LRFN5: variants seen among roughly 807,000 people sequenced by gnomAD.
LRFN5 encodes leucine rich repeat and fibronectin type III domain containing 5.
In LRFN5, 24 loss-of-function variants were observed where a neutral mutation model predicts 45.6. The ratio of observed to expected loss-of-function variants is 0.53; its 90% CI spans 0.38 to 0.74. The LOEUF (loss-of-function observed/expected upper bound fraction) is 0.74, where lower values mean the gene tolerates loss of function less well. Among genes scored for constraint, LRFN5 ranks in the 30% least tolerant of loss-of-function variants. The probability of loss-of-function intolerance (pLI) is 0.00; values close to 1 mark genes in which losing one functional copy is unlikely to be tolerated. For synonymous variants in LRFN5, 340 were observed against 313.8 expected (o/e 1.08, Z -0.88); for missense variants, 776 against 861.5 (o/e 0.90, Z 1.24).
At chr14:41,760,451 A>G (rs1042741430) in intron 1 of LRFN5, among the ~76,000 whole-genome samples, 3 of 152,220 alleles carry the variant, frequency 2.0e-5, no homozygotes, top group African/African-American at 4.8e-5. Flanking sequence ...GAATATTAAT[A>G]AACAAACAGA....
intron 1 of LRFN5, among the ~76,000 whole-genome samples, chr14:41,675,476 G>A (rs1406373473): frequency 2.0e-5 from 3 of 152,182 alleles, no homozygotes; most frequent in Admixed American, 6.5e-5. Context: ...GGCGGCGCGC[G>A]CCTGCAATCG....
intron 1 of LRFN5, among the ~76,000 whole-genome samples, chr14:41,684,866 C>G (rs1312457647): frequency 6.6e-6 from 1 of 152,040 alleles, no homozygotes; most frequent in Non-Finnish European, 1.5e-5. Context: ...AAGTGGTAAT[C>G]CAGGGAATGT....
At chr14:41,750,805 CAG>C (rs1367865863) in intron 1 of LRFN5, among the ~76,000 whole-genome samples, 6 of 152,196 alleles carry the variant, frequency 3.9e-5, no homozygotes, top group Non-Finnish European at 7.4e-5. Flanking sequence ...AGAGAGCACA[CAG>C]GGGAAACTGC....
At chr14:41,845,817 A>G (rs1889042433) in intron 2 of LRFN5, among the ~76,000 whole-genome samples, 1 of 152,210 alleles carries the variant, frequency 6.6e-6, no homozygotes, top group Non-Finnish European at 1.5e-5. Flanking sequence ...GCATTCTTAT[A>G]TAAAGCCAAA....
intron 1 of LRFN5, among the ~76,000 whole-genome samples, chr14:41,624,280 G>C (rs1888245471): frequency 6.6e-6 from 1 of 151,840 alleles, no homozygotes. Flanking sequence ...TGAATGACTG[G>C]TTAATTTTCC....
intron 2 of LRFN5, among the ~76,000 whole-genome samples, chr14:41,843,484 T>C (rs1482606311): frequency 6.6e-6 from 1 of 152,230 alleles, no homozygotes; most frequent in Non-Finnish European, 1.5e-5. Flanking sequence ...GTCCTGTTCA[T>C]ATCTTTGCCT....
chr14:41,793,854 G>T (rs1035618184), intron 2 of LRFN5, among the ~76,000 whole-genome samples: 2 of 152,050 alleles, frequency 1.3e-5, no homozygotes, highest in Non-Finnish European at 2.9e-5. Flanking sequence ...TACTTTGGGG[G>T]TTCATCCACT....
chr14:41,670,409 A>G (rs927325240), intron 1 of LRFN5, among the ~76,000 whole-genome samples: 3 of 149,874 alleles, frequency 2.0e-5, no homozygotes, highest in South Asian at 4.2e-4. Flanking sequence ...ACTTTTCACT[A>G]CGTAATTTGT....
intron 1 of LRFN5, among the ~76,000 whole-genome samples, chr14:41,694,977 GAGCTAGA>G (rs989283795): frequency 7.9e-5 from 12 of 151,966 alleles, no homozygotes; most frequent in African/African-American, 2.7e-4. Context: ...GATAGGCCAA[GAGCTAGA>G]CTTCTTGCAC....
chr14:41,678,734 A>G (rs1315821128), intron 1 of LRFN5, among the ~76,000 whole-genome samples: 2 of 152,196 alleles, frequency 1.3e-5, no homozygotes, highest in Non-Finnish European at 2.9e-5. Flanking sequence ...GACCCCTGTA[A>G]GAACACTAAA....
At chr14:41,728,708 T>C (rs1884041546) in intron 1 of LRFN5, among the ~76,000 whole-genome samples, 1 of 152,162 alleles carries the variant, frequency 6.6e-6, no homozygotes, top group Non-Finnish European at 1.5e-5. Flanking sequence ...CCAAATTTTA[T>C]AGCTGCCTTC....
At chr14:41,793,737 A>T (rs1405702421) in intron 2 of LRFN5, among the ~76,000 whole-genome samples, 1 of 152,052 alleles carries the variant, frequency 6.6e-6, no homozygotes, top group African/African-American at 2.4e-5. Flanking sequence ...ACACTGCCCA[A>T]GTTTGATCCC....
intron 2 of LRFN5, among the ~76,000 whole-genome samples, chr14:41,849,573 T>C (rs1410590623): frequency 6.6e-6 from 1 of 151,944 alleles, no homozygotes; most frequent in Admixed American, 6.6e-5. Flanking sequence ...CTATATATTC[T>C]CCTACTCCCT....
chr14:41,902,548 C>T (rs1187325083), intron 5 of LRFN5, among the ~76,000 whole-genome samples: 2 of 151,814 alleles, frequency 1.3e-5, no homozygotes, highest in Non-Finnish European at 2.9e-5. Context: ...TTATTTCCTA[C>T]TGTTCAAATA....
chr14:41,734,415 C>A (rs1283700013), intron 1 of LRFN5, among the ~76,000 whole-genome samples: 1 of 136,116 alleles, frequency 7.3e-6, no homozygotes, highest in Non-Finnish European at 1.6e-5. Context: ...ACATCATTTT[C>A]TTTTGTATAG....
chr14:41,831,203 T>C (rs1179515005), intron 2 of LRFN5, among the ~76,000 whole-genome samples: 3 of 152,222 alleles, frequency 2.0e-5, no homozygotes, highest in Non-Finnish European at 4.4e-5. Flanking sequence ...ATGTGTTACA[T>C]TACCCGTCTT....
At chr14:41,727,761 T>C (rs1271626000) in intron 1 of LRFN5, among the ~76,000 whole-genome samples, 1 of 151,736 alleles carries the variant, frequency 6.6e-6, no homozygotes, top group Non-Finnish European at 1.5e-5. Flanking sequence ...TGAACTGGAG[T>C]CTGAAATGTA....
chr14:41,774,401 T>C (rs1886203369), intron 2 of LRFN5, among the ~76,000 whole-genome samples: 1 of 152,172 alleles, frequency 6.6e-6, no homozygotes, highest in Non-Finnish European at 1.5e-5. Context: ...TATAGGAGCC[T>C]TTACAGCAAG....
chr14:41,688,728 A>G (rs1882231213), intron 1 of LRFN5, among the ~76,000 whole-genome samples: 1 of 151,968 alleles, frequency 6.6e-6, no homozygotes, highest in Non-Finnish European at 1.5e-5. Flanking sequence ...TATGAGATGC[A>G]GCTAAAGCAG....
Sources: gnomAD v4.1 joint callset for allele counts (sites outside exome capture counted in the v4.1 genomes callset) on GRCh38, gnomAD v4.1.1 for gene constraint, MANE v1.5 for transcripts, NCBI Gene and HGNC (gene_info 2026-07-23, HGNC 2026-07-21) for gene names.